Variants in CYP2C18 observed in about 807,000 individuals in gnomAD.
CYP2C18 encodes the protein cytochrome P450 family 2 subfamily C member 18, also known as cytochrome P450 2C18.
In CYP2C18, 38 loss-of-function variants were observed where a neutral mutation model predicts 41.3. The ratio of observed to expected loss-of-function variants is 0.92; its 90% confidence interval spans 0.71 to 1.21. The LOEUF (loss-of-function observed/expected upper bound fraction) is 1.21. CYP2C18 is among the 50% of genes most tolerant of loss of function. CYP2C18 has a pLI of 0.00. For synonymous variants in CYP2C18, 236 were observed against 210.0 expected, an observed-to-expected ratio of 1.12 and a Z score of -1.07; for missense variants, 635 against 591.4, an observed-to-expected ratio of 1.07 and a Z score of -0.77.
intron 7 of CYP2C18, among the ~76,000 whole-genome samples, chr10:94,726,756 C>G (rs1847749979): frequency 6.6e-6 from 1 of 152,112 alleles, no homozygotes; most frequent in South Asian, 2.1e-4. Context: ...AACATCTTTT[C>G]CAGTGCCTTC....
intron 5 of CYP2C18, among the ~76,000 whole-genome samples, chr10:94,708,523 A>G (rs1564643294): frequency 6.6e-6 from 1 of 152,172 alleles, no homozygotes; most frequent in Non-Finnish European, 1.5e-5. Flanking sequence ...TAAAAAGTGC[A>G]TTGTTCCTTT....
intron 6 of CYP2C18, among the ~76,000 whole-genome samples, chr10:94,723,600 G>A (rs540687180): frequency 6.6e-6 from 1 of 152,212 alleles, no homozygotes; most frequent in East Asian, 1.9e-4. Context: ...TAATAATGGT[G>A]TGAACATGAG....
intron 6 of CYP2C18, among the ~76,000 whole-genome samples, chr10:94,721,055 C>A (rs1847637590): frequency 6.6e-6 from 1 of 152,030 alleles, no homozygotes; most frequent in Non-Finnish European, 1.5e-5. Context: ...ACTGTGTCAC[C>A]CAGGCTGGAG....
intron 5 of CYP2C18, 30 bp downstream of exon 5, chr10:94,706,990 G>A (rs1564642873): frequency 6.3e-7 from 1 of 1,584,968 alleles, no homozygotes; most frequent in Non-Finnish European, 8.6e-7. Flanking sequence ...CCTGCATCTT[G>A]TGGTTCATTG....
At chr10:94,704,175 G>A (rs1650984525) in intron 4 of CYP2C18, among the ~76,000 whole-genome samples, 1 of 152,072 alleles carries the variant, frequency 6.6e-6, no homozygotes, top group South Asian at 2.1e-4. Flanking sequence ...GTTCTTATTT[G>A]GCCATCTTGC....
intron 3 of CYP2C18, among the ~76,000 whole-genome samples, chr10:94,693,771 A>G (rs1444531645): frequency 6.6e-6 from 1 of 152,170 alleles, no homozygotes; most frequent in African/African-American, 2.4e-5. Context: ...ATTACCGCAC[A>G]ACATTTTTGT....
At chr10:94,699,504 C>G (rs1330118570) in intron 4 of CYP2C18, among the ~76,000 whole-genome samples, 1 of 152,144 alleles carries the variant, frequency 6.6e-6, no homozygotes, top group Non-Finnish European at 1.5e-5. Context: ...CTATCTATGA[C>G]AAACCCAAAG....
chr10:94,731,600 G>A (rs1023722855), intron 7 of CYP2C18, among the ~76,000 whole-genome samples: 1 of 152,096 alleles, frequency 6.6e-6, no homozygotes, highest in African/African-American at 2.4e-5. Flanking sequence ...AAATAGCGTA[G>A]TACTGGTACA....
chr10:94,705,791 G>A (rs1847332129), intron 4 of CYP2C18, among the ~76,000 whole-genome samples: 1 of 152,164 alleles, frequency 6.6e-6, no homozygotes, highest in African/African-American at 2.4e-5. Context: ...ATCTGGGAAA[G>A]ATAGATGATT....
At chr10:94,697,964 C>G (rs1847153331) in intron 4 of CYP2C18, among the ~76,000 whole-genome samples, 2 of 152,162 alleles carry the variant, frequency 1.3e-5, no homozygotes, top group Admixed American at 6.5e-5. Context: ...AATACAGGAG[C>G]ATCCAGATTC....
intron 4 of CYP2C18, among the ~76,000 whole-genome samples, chr10:94,696,470 C>T (rs1847118457): frequency 6.6e-6 from 1 of 151,916 alleles, no homozygotes; most frequent in African/African-American, 2.4e-5. Flanking sequence ...CACACCAAAA[C>T]CCCATCTGTA....
intron 5 of CYP2C18, among the ~76,000 whole-genome samples, chr10:94,713,940 A>G (rs567854012): frequency 0.03 from 4,626 of 152,050 alleles, 120 homozygotes; most frequent in Middle Eastern, 0.13. Flanking sequence ...GTGATGATGA[A>G]CATTTTTTCA....
chr10:94,698,734 C>A (rs1014236484), intron 4 of CYP2C18, among the ~76,000 whole-genome samples: 1 of 151,520 alleles, frequency 6.6e-6, no homozygotes, highest in Non-Finnish European at 1.5e-5. Context: ...AGACCACTAG[C>A]AAGACTAATA....
intron 7 of CYP2C18, among the ~76,000 whole-genome samples, chr10:94,732,179 T>G (rs958446428): frequency 6.6e-6 from 1 of 152,074 alleles, no homozygotes; most frequent in Non-Finnish European, 1.5e-5. Flanking sequence ...GAACAGACAC[T>G]GCTCAAAAGA....
rs1310729946 is a variant in CYP2C18, at chr10:94,735,782, T to G, written c.*338T>G. The G allele has an allele frequency of 4.5e-6, 1 of 223,412 alleles. No homozygotes were observed. The highest frequency in any genetic ancestry group is 8.8e-6 in the Non-Finnish European group (1 of 113,338). The allele number at this position is 223,412 out of a possible 1,614,324, so 13.8% of individuals were successfully genotyped here. A position where few individuals can be genotyped will look rare whatever the true frequency, so the allele number is the denominator to read the frequency against. On this transcript the variant is annotated 3_prime_UTR_variant, in exon 9 of 9. Coordinates refer to ENST00000285979, the MANE Select transcript of CYP2C18 (RefSeq NM_000772.3). The stretch of plus-strand genomic sequence containing the variant: ...AATTCAGAGCCATTTATTCTCTGCA[T>G]GCTCTAGATAAAAATGATTATTATT...
intron 3 of CYP2C18, among the ~76,000 whole-genome samples, chr10:94,694,497 T>A (rs1847076702): frequency 6.6e-6 from 1 of 152,204 alleles, no homozygotes; most frequent in Non-Finnish European, 1.5e-5. Flanking sequence ...ATATAGAAGA[T>A]GTTTTCTGGT....
chr10:94,698,197 C>A (rs975653721), intron 4 of CYP2C18, among the ~76,000 whole-genome samples: 1 of 152,174 alleles, frequency 6.6e-6, no homozygotes, highest in Non-Finnish European at 1.5e-5. Flanking sequence ...AGCACCACAC[C>A]ACACTTATTC....
chr10:94,706,517 A>G (rs1016599579), intron 4 of CYP2C18, among the ~76,000 whole-genome samples: 18 of 152,230 alleles, frequency 1.2e-4, no homozygotes, highest in African/African-American at 4.3e-4. Context: ...AATGTACAAA[A>G]ATGAGATAAT....
rs748867249 is a variant in CYP2C18 at position 94,706,863 on chromosome 10, A to G, written c.722A>G (p.Lys241Arg). ...NKIAENFAYI[K>R]SYVLERIKEH... Reference sequence around the variant, plus strand: ...ATAGCTGAAAATTTTGCTTACATTAAAAGTTATGTATTGGAGAGAATAAAA... The same window carrying G: ...ATAGCTGAAAATTTTGCTTACATTAGAAGTTATGTATTGGAGAGAATAAAA... The change falls in exon 5 of 9, where the codon AAA becomes AGA. Residue 241 changes from lysine (K) to arginine (R), a missense_variant. Coordinates refer to ENST00000285979, the MANE Select transcript of CYP2C18 (RefSeq NM_000772.3). 14 of 1,611,366 alleles carry G rather than the reference A, an allele frequency of 8.7e-6. No homozygotes were observed. Among genetic ancestry groups the G allele is most frequent in the South Asian group, 2.2e-5 (2 of 90,972 alleles).
Sources: allele counts gnomAD v4.1 joint callset (sites outside exome capture counted in the v4.1 genomes callset), GRCh38; gene constraint gnomAD v4.1.1; transcripts MANE v1.5; gene names NCBI Gene and HGNC (gene_info 2026-07-23, HGNC 2026-07-21).